The following CA11 variants were observed in gnomAD, a reference collection of about 807,000 sequenced individuals.
CA11 encodes carbonic anhydrase 11 (inactive).
A neutral mutation model predicts 39.3 loss-of-function variants in CA11; 20 were observed. That is an observed-to-expected ratio of 0.51 (90% CI 0.36 to 0.74). The LOEUF (loss-of-function observed/expected upper bound fraction) is 0.74. CA11 is among the 30% of genes least tolerant of loss of function. The pLI is 0.00. For synonymous variants in CA11, 166 were observed against 172.5 expected (o/e 0.96, Z 0.29); for missense variants, 336 against 424.6 (o/e 0.79, Z 1.83).
At chr19:48,640,060 C>T in intron 4 of CA11, 35 bp downstream of exon 4, 3 of 1,599,322 alleles carry the variant, frequency 1.9e-6, no homozygotes, top group Non-Finnish European at 2.6e-6. Context: ...TGACTCAGGG[C>T]GGAGGGTGGC....
chr19:48,637,987 CA>C lies in CA11; in HGVS notation c.*131del, dbSNP rs2030891806. 1.8e-6 allele frequency: 1 copy of C among 551,522 alleles called. No homozygotes were observed. The highest frequency in any genetic ancestry group is 4.3e-5 in the Admixed American group (1 of 23,028). 34.2% of individuals were successfully genotyped at this position (551,522 alleles called of 1,614,324 possible). ...GTTCTTTAATACCCAAATGTTTCCC[CA>C]CCGCGCCTAGAATCAGACCACTGAG... is the stretch of plus-strand genomic sequence containing the variant. On this transcript the variant is annotated 3_prime_UTR_variant, in exon 9 of 9. Coordinates refer to ENST00000084798, the MANE Select transcript of CA11 (RefSeq NM_001217.5).
chr19:48,645,430 C>T lies in CA11; in HGVS notation c.115G>A (p.Asp39Asn), dbSNP rs1369604573. Residue 39 changes from aspartate (D) to asparagine (N), a missense_variant, in exon 2 of 9, where the codon GAT becomes AAT. By Grantham distance (23) the Asp-to-Asn change is conservative. Coordinates refer to ENST00000084798, the MANE Select transcript of CA11 (RefSeq NM_001217.5). ...PDPEDWWSYK[D>N]NLQGNFVPGP... is the part of the protein sequence containing the mutation. ...GGCACGAAGTTTCCCTGGAGATTATCCTTGTAGCTCCACCAGTCCTCGGGG... is the reference window on the plus strand; with the variant it reads ...GGCACGAAGTTTCCCTGGAGATTATTCTTGTAGCTCCACCAGTCCTCGGGG... 2 of 1,598,518 alleles carry T rather than the reference C, an allele frequency of 1.3e-6. No individual in the cohort carries two copies. The highest frequency in any genetic ancestry group is 1.3e-5 in the African/African-American group (1 of 74,800).
At chr19:48,640,071 G>A (rs1313133430) in intron 4 of CA11, 24 bp downstream of exon 4, 3 of 1,605,218 alleles carry the variant, frequency 1.9e-6, no homozygotes, top group African/African-American at 2.7e-5. Context: ...GGAGGGTGGC[G>A]GGTAAACAAT....
intron 2 of CA11, 134 bp from the exon 3 acceptor site, chr19:48,644,703 G>A (rs2031193754): frequency 6.7e-6 from 4 of 598,902 alleles, no homozygotes; most frequent in Non-Finnish European, 1.1e-5. Flanking sequence ...CTAGACTCCT[G>A]GGTCTGAGGG....
chr19:48,640,312 G>GGGAGAGA (rs762239315), intron 3 of CA11, 32 bp from the exon 4 acceptor site: 1 of 1,573,368 alleles, frequency 6.4e-7, no homozygotes, highest in East Asian at 2.2e-5. Flanking sequence ...TCAGGGGGCA[G>GGGAGAGA]GGAGAGATCT....
chr19:48,643,434 TCCTAA>T lies in CA11; in HGVS notation c.285+988_285+992del. Among the ~76,000 whole-genome samples, 1 of 144,314 alleles carries T rather than the reference TCCTAA, an allele frequency of 6.9e-6. No individual in the cohort carries two copies. Among genetic ancestry groups the T allele is most frequent in the Non-Finnish European group, 1.5e-5 (1 of 67,900 alleles). The allele number at this position is 144,314 out of a possible 152,430, so 94.7% of individuals were successfully genotyped here. ...CATGTTGGCCAGGCTGATCTCGAAC[TCCTAA>T]CCTCGTGATCCACCCACCTCGGCCT... is the stretch of plus-strand genomic sequence containing the variant. On this transcript the variant is annotated intron_variant, in intron 3 of 8. Coordinates refer to ENST00000084798, the MANE Select transcript of CA11 (RefSeq NM_001217.5). The surrounding 1 kb of genome is among the most constrained non-coding windows in gnomAD (Gnocchi z 4.3).
chr19:48,644,189 GC>G (rs1418133670), intron 3 of CA11, among the ~76,000 whole-genome samples: 2 of 152,126 alleles, frequency 1.3e-5, no homozygotes, highest in African/African-American at 4.8e-5. Context: ...TTTTAAATCT[GC>G]CTGGCACAGG....
At chr19:48,642,948 A>C (rs1034882952) in intron 3 of CA11, among the ~76,000 whole-genome samples, 1 of 152,154 alleles carries the variant, frequency 6.6e-6, no homozygotes, top group Non-Finnish European at 1.5e-5. Flanking sequence ...GGTATTGGCC[A>C]GGCGCGGTGG....
At position 48,645,955 on chromosome 19, in the gene CA11, C is replaced by G. The variant is rs981298048; in HGVS notation, c.-323G>C. 4 of 442,420 alleles carry G rather than the reference C, an allele frequency of 9.0e-6. No homozygotes were observed. The highest frequency in any genetic ancestry group is 8.2e-5 in the African/African-American group (4 of 48,890). The allele number at this position is 442,420 out of a possible 1,614,324, so 27.4% of individuals were successfully genotyped here. A position where few individuals can be genotyped will look rare whatever the true frequency, so the allele number is the denominator to read the frequency against. On this transcript the variant is annotated 5_prime_UTR_variant, in exon 1 of 9. Transcript: ENST00000084798. Reference sequence around the variant, plus strand: ...CCAGGGCTACCTCTTGGTTCCTAACCCACACCTCCTCTCCGTTCTCTTTTC... The same window carrying G: ...CCAGGGCTACCTCTTGGTTCCTAACGCACACCTCCTCTCCGTTCTCTTTTC...
Position 48,645,830 on chromosome 19 carries a change from GTCTC to G in CA11, c.-202_-199del, listed in dbSNP as rs373587530. 7.9e-4 allele frequency: 423 copies of G among 538,058 alleles called. No individual in the cohort carries two copies. Among genetic ancestry groups the G allele is most frequent in the African/African-American group, 7.4e-3 (376 of 50,620 alleles). The allele number at this position is 538,058 out of a possible 1,614,324, so 33.3% of individuals were successfully genotyped here. A position where few individuals can be genotyped will look rare whatever the true frequency, so the allele number is the denominator to read the frequency against. ...CAAACCCACTCTTCTTCTCTCTCCC[GTCTC>G]TCTGTGTCTTTCCTCTTTCCTCTGC... On this transcript the variant is annotated 5_prime_UTR_variant, in exon 1 of 9. Coordinates refer to ENST00000084798, the MANE Select transcript of CA11 (RefSeq NM_001217.5).
intron 3 of CA11, among the ~76,000 whole-genome samples, chr19:48,642,191 T>A (rs889033842): frequency 1.3e-5 from 2 of 152,278 alleles, no homozygotes; most frequent in East Asian, 1.9e-4. Context: ...AGTTTTGTAT[T>A]TTTATTTAAA....
In CA11 at chr19:48,639,969, A is replaced by G. The variant is rs2031016155; in HGVS notation, c.472-86T>C. On this transcript the variant is annotated intron_variant, in intron 4 of 8. Coordinates refer to ENST00000084798, the MANE Select transcript of CA11 (RefSeq NM_001217.5). ...TTTGGGGGCCCGAATCAGGCTGAGGATTAGTGCTTAGGGTGGGAGGCCAGT... is the reference window on the plus strand; with the variant it reads ...TTTGGGGGCCCGAATCAGGCTGAGGGTTAGTGCTTAGGGTGGGAGGCCAGT... 9.3e-6 allele frequency: 14 copies of G among 1,510,646 alleles called. No individual in the cohort carries two copies. In the East Asian group the frequency reaches 3.2e-4, roughly 34 times the overall value. The allele number at this position is 1,510,646 out of a possible 1,614,324, so 93.6% of individuals were successfully genotyped here.
chr19:48,639,271 A>G, intron 7 of CA11, 34 bp downstream of exon 7: 1 of 1,608,876 alleles, frequency 6.2e-7, no homozygotes, highest in Non-Finnish European at 8.5e-7. Flanking sequence ...TGGAGTACCC[A>G]GGCCTAGGAA....
Position 48,638,999 on chromosome 19 carries a change from G to C in CA11, c.850C>G (p.Leu284Val). 1 of 1,614,016 alleles carries C rather than the reference G, an allele frequency of 6.2e-7. No individual in the cohort carries two copies. Among genetic ancestry groups the C allele is most frequent in the Non-Finnish European group, 8.5e-7 (1 of 1,179,978 alleles). The change falls in exon 8 of 9, where the codon CTC (leucine) becomes GTC (valine). Residue 284 changes from leucine to valine, a missense_variant. Coordinates refer to ENST00000084798, the MANE Select transcript of CA11 (RefSeq NM_001217.5). ...TGCAGGGGCCGGCTGTTACCGCTGA[G>C]GCTCTGGAAGATCTGAGATGGAGGA... ...QNPPSQIFQS[L>V]SGNSRPLQPL...
chr19:48,639,744 A>T, intron 5 of CA11, 44 bp downstream of exon 5: 1 of 1,596,674 alleles, frequency 6.3e-7, no homozygotes. Flanking sequence ...CCCGGGTTCC[A>T]GGCACCCAAC....
In CA11 at chr19:48,644,431, T is replaced by A. The variant is rs1177844774; in HGVS notation, c.281A>T (p.Glu94Val). ...TCCTCCCTCCAAGCCCCTTACCTTC[T>A]CTCCTCCAGTGCTGAGCCTTAATGG... is the stretch of plus-strand genomic sequence containing the variant. The part of the protein sequence containing the change: ...LPPLRLSTGG[E>V]KLRGTLYNTG... Residue 94 changes from glutamate (E) to valine (V), a missense_variant, in exon 3 of 9, where the codon GAG becomes GTG. Transcript: ENST00000084798. 3.8e-6 allele frequency: 6 copies of A among 1,589,340 alleles called. No individual in the cohort carries two copies. Among genetic ancestry groups the A allele is most frequent in the Non-Finnish European group, 5.2e-6 (6 of 1,165,042 alleles).
chr19:48,639,896 C>G lies in CA11; in HGVS notation c.472-13G>C, dbSNP rs951269749. The G allele has an allele frequency of 6.2e-7, 1 of 1,611,174 alleles. No individual in the cohort carries two copies. Among genetic ancestry groups the G allele is most frequent in the African/African-American group, 1.3e-5 (1 of 74,932 alleles). ...GAATGAGCTGCACCTGGGGGTAGCA[C>G]AGAGCATGGGGTCCCCCAGCAGAAG... On this transcript the variant is annotated splice_polypyrimidine_tract_variant and intron_variant, in intron 4 of 8. Coordinates refer to ENST00000084798, the MANE Select transcript of CA11 (RefSeq NM_001217.5).
At position 48,639,413 on chromosome 19, in the gene CA11, AG is replaced by A. The variant is rs2030990878; in HGVS notation, c.686del (p.Pro229LeufsTer41). 1 of 1,613,768 alleles carries A rather than the reference AG, an allele frequency of 6.2e-7. No individual in the cohort carries two copies. Among genetic ancestry groups the A allele is most frequent in the Non-Finnish European group, 8.5e-7 (1 of 1,179,954 alleles). ...LQDLSLELLF[P>X]ESFGFITYQG... The stretch of plus-strand genomic sequence containing the variant: ...GATAGGTGATGAAGCCGAAGGATTC[AG>A]GGAACAGGAGCTCCAGGCTCAGGTC... On this transcript the variant is annotated frameshift_variant, in exon 7 of 9. Coordinates refer to ENST00000084798, the MANE Select transcript of CA11 (RefSeq NM_001217.5). LOFTEE classifies it high-confidence loss of function.
intron 8 of CA11, chr19:48,638,432 T>A: frequency 1.0e-6 from 1 of 999,852 alleles, no homozygotes; most frequent in Non-Finnish European, 1.2e-6. Flanking sequence ...GTGAGATTCC[T>A]GGGCTAAACC....
Sources: allele counts gnomAD v4.1 joint callset (sites outside exome capture counted in the v4.1 genomes callset), GRCh38; gene constraint gnomAD v4.1.1; non-coding constraint Gnocchi (gnomAD v3.1); transcripts MANE v1.5; gene names NCBI Gene and HGNC (gene_info 2026-07-23, HGNC 2026-07-21).